LRRC27: variants seen among roughly 807,000 people sequenced by gnomAD.
LRRC27 encodes leucine-rich repeat-containing protein 27.
In LRRC27, 57 loss-of-function variants were observed where a neutral mutation model predicts 55.0. The observed-to-expected ratio is 1.04, with a 90% CI of 0.84 to 1.29. LRRC27 has a LOEUF of 1.29. Ranked by LOEUF, LRRC27 falls within the 50% of genes most tolerant of loss-of-function variation. The pLI, the probability that LRRC27 is intolerant of heterozygous loss-of-function variation, is 0.00. For missense variants in LRRC27, 721 were observed against 651.5 expected (o/e 1.11, Z -1.16); for synonymous variants, 278 against 251.9 (o/e 1.10, Z -0.98).
At chr10:132,363,331 G>A (rs984428453) in intron 9 of LRRC27, among the ~76,000 whole-genome samples, 3 of 152,180 alleles carry the variant, frequency 2.0e-5, no homozygotes, top group East Asian at 1.9e-4. Flanking sequence ...GATTTTCTGC[G>A]TTCACAGCTT....
intron 7 of LRRC27, among the ~76,000 whole-genome samples, chr10:132,352,724 C>T (rs1318214979): frequency 1.3e-5 from 2 of 151,794 alleles, no homozygotes; most frequent in Non-Finnish European, 2.9e-5. Flanking sequence ...CAGGGCGTTG[C>T]GTGCATGGGC....
Position 132,355,883 on chromosome 10 carries a change from C to A in LRRC27, c.1167C>A (p.Ser389Arg), listed in dbSNP as rs1292334487. Reference protein sequence around the residue: ...ELSKLLPPRRSMVASKIPSAT... With the variant: ...ELSKLLPPRRRMVASKIPSAT... ...GCAAACTCCTGCCTCCGCGGAGGAG[C>A]ATGGTACGGCACGCGCGGGCGGTGA... The change falls in exon 8 of 11, where the codon AGC becomes AGA. Residue 389 changes from serine to arginine, a missense_variant. By Grantham distance (110) the Ser-to-Arg change is moderately radical (BLOSUM62 -1). Transcript: ENST00000368614. 8.4e-6 allele frequency: 13 copies of A among 1,551,456 alleles called. No individual in the cohort carries two copies. The highest frequency in any genetic ancestry group is 1.4e-5 in the African/African-American group (1 of 73,036).
rs954210579 is a variant in LRRC27 at position 132,376,330 on chromosome 10, T to C, written c.*1088T>C. ...TCGTACTTTCCGAGAGTTTAACTGG[T>C]GCTTAGAGAGAAATGCATCACTTCC... On this transcript the variant is annotated 3_prime_UTR_variant, in exon 11 of 11. Transcript: ENST00000368614. 1 of 152,262 alleles carries C rather than the reference T, an allele frequency of 6.6e-6. No homozygotes were observed. The highest frequency in any genetic ancestry group is 6.5e-5 in the Admixed American group (1 of 15,288). 9.4% of individuals were successfully genotyped at this position (152,262 alleles called of 1,614,324 possible).
intron 10 of LRRC27, among the ~76,000 whole-genome samples, chr10:132,369,908 A>C (rs529513662): frequency 6.6e-6 from 1 of 152,230 alleles, no homozygotes; most frequent in East Asian, 1.9e-4. Context: ...CCATGAGACA[A>C]AAGAGAATGA....
chr10:132,332,131 G>A (rs1032575319), upstream of LRRC27: 7 of 180,208 alleles, frequency 3.9e-5, no homozygotes, highest in African/African-American at 2.4e-5. Flanking sequence ...CGCGCTCAGC[G>A]TGGCGCCTGC....
intron 3 of LRRC27, among the ~76,000 whole-genome samples, chr10:132,340,740 C>T (rs1213556860): frequency 1.3e-5 from 2 of 151,194 alleles, no homozygotes; most frequent in Non-Finnish European, 2.9e-5. Context: ...CCGAGGTGGG[C>T]GGATCACAAG....
chr10:132,358,017 C>T (rs2068386556), intron 8 of LRRC27, among the ~76,000 whole-genome samples: 1 of 152,172 alleles, frequency 6.6e-6, no homozygotes, highest in Non-Finnish European at 1.5e-5. Flanking sequence ...CTGCGCTGGC[C>T]CAGGCACTGG....
chr10:132,378,089 G>C lies in LRRC27; in HGVS notation c.*2847G>C, dbSNP rs537872442. 1 of 152,188 alleles carries C rather than the reference G, an allele frequency of 6.6e-6. No homozygotes were observed. Among genetic ancestry groups the C allele is most frequent in the East Asian group, 1.9e-4 (1 of 5,172 alleles). The allele number at this position is 152,188 out of a possible 1,614,324, so 9.4% of individuals were successfully genotyped here. ...ACTCAGGAGGCTGAGGCGGGAGAATGGCGTGAACCCAGGAGACGGAGCTTG... is the reference window on the plus strand; with the variant it reads ...ACTCAGGAGGCTGAGGCGGGAGAATCGCGTGAACCCAGGAGACGGAGCTTG... On this transcript the variant is annotated 3_prime_UTR_variant, in exon 11 of 11. Transcript: ENST00000368614.
At chr10:132,361,017 C>T (rs773177509) in intron 8 of LRRC27, among the ~76,000 whole-genome samples, 20 of 152,232 alleles carry the variant, frequency 1.3e-4, no homozygotes, top group African/African-American at 1.7e-4. Flanking sequence ...CACATCACAG[C>T]GAGTGTTGGG....
rs1345870149 is a variant in LRRC27 at position 132,376,500 on chromosome 10, T to C, written c.*1258T>C. On this transcript the variant is annotated 3_prime_UTR_variant, in exon 11 of 11. Transcript: ENST00000368614. ...ATTTCTCACGCCTGAGGGCAGGCGT[T>C]GGAGCAGCTCAGCCGGCGTTGCTGG... 4 of 152,276 alleles carry C rather than the reference T, an allele frequency of 2.6e-5. No individual in the cohort carries two copies. Among genetic ancestry groups the C allele is most frequent in the Non-Finnish European group, 5.9e-5 (4 of 68,052 alleles). 9.4% of individuals were successfully genotyped at this position (152,276 alleles called of 1,614,324 possible). A position where few individuals can be genotyped will look rare whatever the true frequency, so the allele number is the denominator to read the frequency against.
chr10:132,363,276 G>C (rs909444292), intron 9 of LRRC27, among the ~76,000 whole-genome samples: 1 of 151,486 alleles, frequency 6.6e-6, no homozygotes, highest in East Asian at 1.9e-4. Flanking sequence ...ACAGCTGCTC[G>C]GGGGTCCGGG....
At chr10:132,355,909 C>G (rs1333162200) in intron 8 of LRRC27, 23 bp downstream of exon 8, 1 of 1,518,350 alleles carries the variant, frequency 6.6e-7, no homozygotes. Flanking sequence ...CGGGCGGTGA[C>G]CGGGCACTAG....
intron 10 of LRRC27, among the ~76,000 whole-genome samples, chr10:132,369,554 G>T (rs1025773354): frequency 2.0e-5 from 3 of 148,844 alleles, no homozygotes; most frequent in African/African-American, 5.1e-5. Context: ...GTAGGATATT[G>T]AGGGGTGAAT....
chr10:132,369,934 T>C (rs1216284124), intron 10 of LRRC27, among the ~76,000 whole-genome samples: 1 of 152,150 alleles, frequency 6.6e-6, no homozygotes, highest in African/African-American at 2.4e-5. Context: ...AAGGACACTG[T>C]GGCGGTTGGT....
At chr10:132,337,077 C>A in intron 2 of LRRC27, 1 of 1,281,212 alleles carries the variant, frequency 7.8e-7, no homozygotes, top group Non-Finnish European at 9.9e-7. Flanking sequence ...GAGAACACCA[C>A]GGCAGACATC....
chr10:132,365,789 G>T (rs551178472), intron 10 of LRRC27, among the ~76,000 whole-genome samples: 1 of 152,154 alleles, frequency 6.6e-6, no homozygotes, highest in Non-Finnish European at 1.5e-5. Flanking sequence ...AATAGAGATA[G>T]GGTTTTGCCA....
At position 132,358,511 on chromosome 10, in the gene LRRC27, G is replaced by A. The variant is rs1306931528; in HGVS notation, c.1170+2625G>A. ...AGGAGCCGAGGTGGTGGAGCAGCGTGGGGAGGAGCCGAGGTGGTGGAGCAG... is the reference window on the plus strand; with the variant it reads ...AGGAGCCGAGGTGGTGGAGCAGCGTAGGGAGGAGCCGAGGTGGTGGAGCAG... On this transcript the variant is annotated intron_variant, in intron 8 of 10. Transcript: ENST00000368614. 1.0e-4 allele frequency among the ~76,000 whole-genome samples: 9 copies of A among 87,472 alleles called. 1 individual carries two copies. Among genetic ancestry groups the A allele is most frequent in the East Asian group, 3.8e-4 (1 of 2,602 alleles). The allele number at this position is 87,472 out of a possible 152,430, so 57.4% of individuals were successfully genotyped here.
chr10:132,351,329 A>G (rs114468706), intron 6 of LRRC27: 26,669 of 378,012 alleles, frequency 0.071, 1,326 homozygotes, highest in African/African-American at 0.17. Flanking sequence ...CACGTCCTTC[A>G]GGTGCATTTC....
chr10:132,346,107 A>G (rs1417795749), intron 5 of LRRC27, among the ~76,000 whole-genome samples: 1 of 152,112 alleles, frequency 6.6e-6, no homozygotes, highest in Non-Finnish European at 1.5e-5. Flanking sequence ...TGTTTTAGGA[A>G]ATGCATGAGC....
Sources: gnomAD v4.1 joint callset for allele counts (sites outside exome capture counted in the v4.1 genomes callset) on GRCh38, gnomAD v4.1.1 for gene constraint, MANE v1.5 for transcripts, NCBI Gene and HGNC (gene_info 2026-07-23, HGNC 2026-07-21) for gene names.